The following CEP128 variants were observed in gnomAD, a reference collection of about 807,000 sequenced individuals.
CEP128 encodes centrosomal protein 128kDa.
Under a neutral mutation model 156.7 loss-of-function variants are expected in CEP128, and 132 were observed. That is an observed-to-expected ratio of 0.84 (90% CI 0.73 to 0.97). The LOEUF is 0.97. Ranked by LOEUF, CEP128 falls within the 50% of genes least tolerant of loss-of-function variation. The probability of loss-of-function intolerance (pLI) is 0.00; values close to 1 mark genes in which losing one functional copy is unlikely to be tolerated. For synonymous variants in CEP128, 469 were observed against 448.9 expected, an observed-to-expected ratio of 1.04 and a Z score of -0.57; for missense variants, 1,252 against 1,281.9, an observed-to-expected ratio of 0.98 and a Z score of 0.36.
chr14:80,649,057 G>A (rs183083848), intron 19 of CEP128, among the ~76,000 whole-genome samples: 15 of 152,140 alleles, frequency 9.9e-5, no homozygotes, highest in African/African-American at 2.2e-4. Flanking sequence ...TATATTAACC[G>A]CAACAAATAA....
At chr14:80,714,588 G>A (rs530407078) in intron 19 of CEP128, among the ~76,000 whole-genome samples, 6 of 152,058 alleles carry the variant, frequency 3.9e-5, no homozygotes, top group African/African-American at 9.6e-5. Context: ...AGACAAGAAC[G>A]GATCTAGAAA....
intron 19 of CEP128, among the ~76,000 whole-genome samples, chr14:80,682,180 C>T (rs1013639417): frequency 4.8e-4 from 73 of 151,962 alleles, no homozygotes; most frequent in Non-Finnish European, 1.0e-3. Flanking sequence ...CAAGGAGATA[C>T]AAGAAAAGTT....
chr14:80,875,504 A>C (rs968176421), intron 8 of CEP128, among the ~76,000 whole-genome samples: 4 of 152,264 alleles, frequency 2.6e-5, no homozygotes, highest in Non-Finnish European at 5.9e-5. Context: ...AAAGGATAAT[A>C]GACAATCGAA....
intron 13 of CEP128, among the ~76,000 whole-genome samples, chr14:80,821,620 C>CT (rs1885184229): frequency 6.7e-6 from 1 of 150,162 alleles, no homozygotes; most frequent in Non-Finnish European, 1.5e-5. Flanking sequence ...CACACACACA[C>CT]ACACACACAC....
intron 21 of CEP128, among the ~76,000 whole-genome samples, chr14:80,541,456 A>AAAAAAC (rs1291225524): frequency 2.7e-5 from 4 of 150,590 alleles, no homozygotes; most frequent in African/African-American, 9.8e-5. Context: ...AAAAAAAAAA[A>AAAAAAC]AAAAAAAAAC....
intron 19 of CEP128, among the ~76,000 whole-genome samples, chr14:80,694,918 A>T (rs758576334): frequency 1.6e-4 from 21 of 133,198 alleles, no homozygotes; most frequent in East Asian, 4.1e-4. Flanking sequence ...AAGTAAAATT[A>T]AAAAAAAAAA....
At chr14:80,517,368 A>G (rs1469626766) in intron 23 of CEP128, among the ~76,000 whole-genome samples, 1 of 152,118 alleles carries the variant, frequency 6.6e-6, no homozygotes, top group African/African-American at 2.4e-5. Context: ...CATGTTACAG[A>G]TCTCCCTCTG....
intron 19 of CEP128, among the ~76,000 whole-genome samples, chr14:80,661,908 G>A (rs558571991): frequency 1.6e-4 from 24 of 152,230 alleles, no homozygotes; most frequent in African/African-American, 5.5e-4. Flanking sequence ...TTAATGGACT[G>A]AAAAACATCA....
chr14:80,752,425 A>C (rs1031267119), intron 18 of CEP128, among the ~76,000 whole-genome samples: 12 of 152,228 alleles, frequency 7.9e-5, no homozygotes, highest in African/African-American at 2.7e-4. Flanking sequence ...AAAGCAAAAT[A>C]ATCTCCACAG....
At chr14:80,836,404 A>G in intron 11 of CEP128, 67 bp from the exon 12 acceptor site, 1 of 1,569,204 alleles carries the variant, frequency 6.4e-7, no homozygotes, top group Admixed American at 1.7e-5. Flanking sequence ...CAAATGGGCT[A>G]TTGTAAACAC....
At chr14:80,806,553 A>G (rs1166811574) in intron 13 of CEP128, among the ~76,000 whole-genome samples, 6 of 152,182 alleles carry the variant, frequency 3.9e-5, no homozygotes, top group Non-Finnish European at 8.8e-5. Context: ...GATAATTTCA[A>G]TACTGCAACT....
chr14:80,744,726 A>T (rs1899010892), intron 18 of CEP128, among the ~76,000 whole-genome samples: 1 of 152,142 alleles, frequency 6.6e-6, no homozygotes, highest in Admixed American at 6.5e-5. Context: ...AGCATACTGG[A>T]TGGGCAGATC....
chr14:80,866,321 G>C (rs1226339512), intron 8 of CEP128, among the ~76,000 whole-genome samples: 1 of 152,128 alleles, frequency 6.6e-6, no homozygotes, highest in African/African-American at 2.4e-5. Context: ...CCAGGCACTA[G>C]GGACACCCCT....
At chr14:80,773,145 G>C (rs970936622) in intron 16 of CEP128, among the ~76,000 whole-genome samples, 2 of 152,206 alleles carry the variant, frequency 1.3e-5, no homozygotes, top group South Asian at 4.2e-4. Flanking sequence ...GAATATCCAA[G>C]AACAAGATAT....
intron 19 of CEP128, among the ~76,000 whole-genome samples, chr14:80,672,421 A>C (rs1313686282): frequency 6.6e-6 from 1 of 152,164 alleles, no homozygotes; most frequent in Non-Finnish European, 1.5e-5. Context: ...AAATAATCTA[A>C]TTTCTATAAA....
intron 2 of CEP128, among the ~76,000 whole-genome samples, chr14:80,922,659 T>C (rs933280487): frequency 6.6e-6 from 1 of 152,124 alleles, no homozygotes; most frequent in Non-Finnish European, 1.5e-5. Context: ...TTATTAAGAG[T>C]AGAAGAAGAA....
At chr14:80,725,587 A>G (rs1028564720) in intron 19 of CEP128, among the ~76,000 whole-genome samples, 7 of 152,156 alleles carry the variant, frequency 4.6e-5, no homozygotes, top group African/African-American at 1.7e-4. Context: ...AGAATGACCC[A>G]TAACTGATGA....
At chr14:80,810,473 ATTTT>A (rs1884466578) in intron 13 of CEP128, among the ~76,000 whole-genome samples, 1 of 152,062 alleles carries the variant, frequency 6.6e-6, no homozygotes, top group African/African-American at 2.4e-5. Context: ...GACTGAATGG[ATTTT>A]TAAAAATGTG....
chr14:80,545,935 G>C (rs1889966076), intron 21 of CEP128, among the ~76,000 whole-genome samples: 1 of 152,186 alleles, frequency 6.6e-6, no homozygotes, highest in Non-Finnish European at 1.5e-5. Context: ...CTGAATCTGG[G>C]GGTGAGGGTG....
Sources: allele counts gnomAD v4.1 joint callset (sites outside exome capture counted in the v4.1 genomes callset), GRCh38; gene constraint gnomAD v4.1.1; transcripts MANE v1.5; gene names NCBI Gene and HGNC (gene_info 2026-07-23, HGNC 2026-07-21).